Variants in PRELID2 observed in about 807,000 individuals in gnomAD.
PRELID2 encodes the protein PRELI domain containing 2.
Under a neutral mutation model 28.4 loss-of-function variants are expected in PRELID2, and 25 were observed. That is an observed-to-expected ratio of 0.88 (90% CI 0.64 to 1.23). The LOEUF is 1.23. Among genes scored for constraint, PRELID2 ranks in the 50% most tolerant of loss-of-function variants. The probability of loss-of-function intolerance (pLI) is 0.00; values close to 1 mark genes in which losing one functional copy is unlikely to be tolerated. For missense variants in PRELID2, 201 were observed against 214.4 expected (o/e 0.94, Z 0.39); for synonymous variants, 76 against 71.6 (o/e 1.06, Z -0.31).
the PRELID2 span, among the ~76,000 whole-genome samples, chr5:145,287,154 C>T: frequency 6.6e-6 from 1 of 152,090 alleles, no homozygotes; most frequent in Admixed American, 6.6e-5. Flanking sequence ...CAGTTCATGC[C>T]TGAAACTGCA....
At chr5:145,767,106 T>A (rs1441716558) in intron 5 of PRELID2, among the ~76,000 whole-genome samples, 1 of 151,892 alleles carries the variant, frequency 6.6e-6, no homozygotes, top group African/African-American at 2.4e-5. Flanking sequence ...TGTTGCCTTT[T>A]CCAAAACCAC....
the PRELID2 span, among the ~76,000 whole-genome samples, chr5:145,350,084 G>T: frequency 6.6e-6 from 1 of 152,104 alleles, no homozygotes; most frequent in Non-Finnish European, 1.5e-5. Flanking sequence ...TACTGTATTT[G>T]TAATGCTGGA....
At chr5:145,510,735 C>T (rs1213170950) in intron 1 of PRELID2, among the ~76,000 whole-genome samples, 1 of 152,206 alleles carries the variant, frequency 6.6e-6, no homozygotes, top group Admixed American at 6.5e-5. Context: ...CTACCTATGT[C>T]CTCTTACTGG....
At chr5:145,730,875 C>T (rs990318620) in intron 1 of PRELID2, among the ~76,000 whole-genome samples, 2 of 152,042 alleles carry the variant, frequency 1.3e-5, no homozygotes, top group Non-Finnish European at 2.9e-5. Context: ...ATCCCTCTGG[C>T]CGGAAAGATG....
At chr5:145,651,718 C>T (rs1020470562) in intron 1 of PRELID2, among the ~76,000 whole-genome samples, 1 of 152,162 alleles carries the variant, frequency 6.6e-6, no homozygotes, top group Non-Finnish European at 1.5e-5. Flanking sequence ...GGAAAACTAA[C>T]AAACAGAAAG....
chr5:145,317,331 C>T, the PRELID2 span, among the ~76,000 whole-genome samples: 2 of 152,146 alleles, frequency 1.3e-5, no homozygotes, highest in Admixed American at 6.5e-5. Context: ...CTGAGCAGTG[C>T]ATTTTAAAAT....
chr5:145,829,832 C>A (rs1353831859), intron 1 of PRELID2, among the ~76,000 whole-genome samples: 1 of 152,188 alleles, frequency 6.6e-6, no homozygotes, highest in Admixed American at 6.5e-5. Context: ...AAGATAGGAT[C>A]AGAAATGGAA....
At chr5:145,714,390 T>C (rs941061000) in intron 1 of PRELID2, among the ~76,000 whole-genome samples, 4 of 152,148 alleles carry the variant, frequency 2.6e-5, no homozygotes, top group Admixed American at 1.3e-4. Context: ...ATTAATATCC[T>C]TCTTGGACAG....
Position 145,511,425 on chromosome 5 carries a change from C to G in PRELID2, n.71-38110G>C, listed in dbSNP as rs143202607. ...GAAAAATCAAGGAATGGAGAGCACT[C>G]TTAAATACCTTCTTCGTGACTGAAA... is the stretch of plus-strand genomic sequence containing the variant. On this transcript the variant is annotated intron_variant and non_coding_transcript_variant, in intron 1 of 2. Transcript: ENST00000510259. Among the ~76,000 whole-genome samples, 347 of 152,320 alleles carry G rather than the reference C, an allele frequency of 2.3e-3. 1 individual carries two copies. Among genetic ancestry groups the G allele is most frequent in the African/African-American group, 7.8e-3 (326 of 41,584 alleles).
the PRELID2 span, among the ~76,000 whole-genome samples, chr5:145,415,450 TC>T: frequency 3.7e-5 from 3 of 80,710 alleles, no homozygotes; most frequent in East Asian, 4.0e-4. Flanking sequence ...CCCACAACAG[TC>T]CCCAGAGTGT....
the PRELID2 span, among the ~76,000 whole-genome samples, chr5:145,394,497 G>A: frequency 6.6e-6 from 1 of 151,842 alleles, no homozygotes; most frequent in Non-Finnish European, 1.5e-5. Context: ...ACAAGTTAAT[G>A]GGTGCAGCAC....
chr5:145,413,975 T>C, the PRELID2 span, among the ~76,000 whole-genome samples: 1 of 152,204 alleles, frequency 6.6e-6, no homozygotes. Flanking sequence ...CTATTGTGAA[T>C]AAAATTATGA....
At chr5:145,626,812 G>A (rs1235251921) in intron 1 of PRELID2, among the ~76,000 whole-genome samples, 5 of 151,952 alleles carry the variant, frequency 3.3e-5, no homozygotes, top group Non-Finnish European at 5.9e-5. Flanking sequence ...AAAATGTCAT[G>A]TATAGGCCAG....
the PRELID2 span, among the ~76,000 whole-genome samples, chr5:145,233,159 A>G: frequency 6.6e-5 from 10 of 152,222 alleles, no homozygotes; most frequent in East Asian, 1.9e-3. Context: ...GGGTCTGCCA[A>G]TTTACCCATG....
At chr5:145,589,433 C>G (rs959322335) in intron 1 of PRELID2, among the ~76,000 whole-genome samples, 1 of 152,006 alleles carries the variant, frequency 6.6e-6, no homozygotes, top group African/African-American at 2.4e-5. Context: ...TGAACATGTC[C>G]ATACCACCAC....
intron 1 of PRELID2, among the ~76,000 whole-genome samples, chr5:145,647,523 G>C (rs991685802): frequency 2.0e-5 from 3 of 152,156 alleles, no homozygotes; most frequent in Non-Finnish European, 4.4e-5. Flanking sequence ...CTTTCCAGGG[G>C]AGTGAACGGT....
downstream of PRELID2, among the ~76,000 whole-genome samples, chr5:145,752,167 T>C (rs546697853): frequency 5.3e-5 from 8 of 152,266 alleles, no homozygotes; most frequent in Admixed American, 1.3e-4. Flanking sequence ...TCTTCCCCAA[T>C]ACTTCTCTGC....
At chr5:145,530,551 C>T (rs1752646925) in intron 1 of PRELID2, among the ~76,000 whole-genome samples, 2 of 151,872 alleles carry the variant, frequency 1.3e-5, no homozygotes. Flanking sequence ...AGAGCAGCAA[C>T]CAGACTCTTG....
chr5:145,559,095 A>G (rs1343750018), intron 1 of PRELID2, among the ~76,000 whole-genome samples: 1 of 152,138 alleles, frequency 6.6e-6, no homozygotes, highest in South Asian at 2.1e-4. Flanking sequence ...TCTACTAAAA[A>G]TACAAAAAAA....
Sources: gnomAD v4.1 joint callset for allele counts (sites outside exome capture counted in the v4.1 genomes callset) on GRCh38, gnomAD v4.1.1 for gene constraint, MANE v1.5 for transcripts, NCBI Gene and HGNC (gene_info 2026-07-23, HGNC 2026-07-21) for gene names.